The following MCU variants were observed in gnomAD, a reference collection of about 807,000 sequenced individuals.
The protein encoded by MCU is mitochondrial calcium uniporter, also known as calcium uniporter protein, mitochondrial.
Under a neutral mutation model 45.2 loss-of-function variants are expected in MCU, and 12 were observed. That is an observed-to-expected ratio of 0.27 (90% confidence interval 0.17 to 0.43). The LOEUF is 0.43. MCU is among the 20% of genes least tolerant of loss of function. The pLI is 1.00. For synonymous variants in MCU, 160 were observed against 165.1 expected, an observed-to-expected ratio of 0.97 and a Z score of 0.24; for missense variants, 324 against 436.7, an observed-to-expected ratio of 0.74 and a Z score of 2.30.
intron 6 of MCU, among the ~76,000 whole-genome samples, chr10:72,873,576 C>T (rs1013641918): frequency 1.3e-5 from 2 of 152,046 alleles, no homozygotes; most frequent in South Asian, 4.1e-4. Flanking sequence ...CTCTGCTGAC[C>T]GTTTCCTTTG....
chr10:72,880,860 G>A, intron 6 of MCU, among the ~76,000 whole-genome samples: 1 of 152,186 alleles, frequency 6.6e-6, no homozygotes, highest in East Asian at 1.9e-4. Flanking sequence ...AGGCATGATG[G>A]GTCATGCCTA....
intron 6 of MCU, among the ~76,000 whole-genome samples, chr10:72,883,035 T>C (rs1317871798): frequency 6.6e-6 from 1 of 152,246 alleles, no homozygotes; most frequent in African/African-American, 2.4e-5. Flanking sequence ...TGGAATGTTA[T>C]TTGGCAATAA....
At chr10:72,831,550 G>A (rs1844879273) in intron 1 of MCU, among the ~76,000 whole-genome samples, 1 of 152,062 alleles carries the variant, frequency 6.6e-6, no homozygotes, top group South Asian at 2.1e-4. Flanking sequence ...ATGAGGACTT[G>A]TTATTTGTCA....
In MCU at chr10:72,702,506, G is replaced by A. The variant is rs569865068; in HGVS notation, c.150+10205G>A. ...TTTGTGAGGCACTGCCCAGGGCATT[G>A]GAGAGAGAGATGCCTTTGTGGTGGT... On this transcript the variant is annotated intron_variant, in intron 1 of 7. Transcript: ENST00000373053. Among the ~76,000 whole-genome samples the A allele has an allele frequency of 3.7e-4, 56 of 152,284 alleles. No homozygotes were observed. The South Asian group carries it at 0.011, about 30-fold the overall frequency.
intron 1 of MCU, among the ~76,000 whole-genome samples, chr10:72,817,911 G>A (rs1254316625): frequency 1.3e-5 from 2 of 152,152 alleles, no homozygotes; most frequent in South Asian, 2.1e-4. Context: ...GGCTTTGCAT[G>A]TACTAAGTAC....
At chr10:72,808,071 A>C (rs1048537967) in intron 1 of MCU, among the ~76,000 whole-genome samples, 2 of 152,230 alleles carry the variant, frequency 1.3e-5, no homozygotes, top group African/African-American at 4.8e-5. Context: ...TTAGGAGAAG[A>C]ATAACCTGAA....
In MCU at chr10:72,791,040, C is replaced by A. The variant is rs114162213; in HGVS notation, c.151-43319C>A. On this transcript the variant is annotated intron_variant, in intron 1 of 7. Coordinates refer to ENST00000373053, the MANE Select transcript of MCU (RefSeq NM_138357.3). ...CCCCAGAAGGAATAGTGTTCATATT[C>A]TATATTCTTGATAGTCTTAGAAGTT... 4.6e-5 allele frequency among the ~76,000 whole-genome samples: 7 copies of A among 152,172 alleles called. No homozygotes were observed. The East Asian group carries it at 1.3e-3, about 29-fold the overall frequency.
At chr10:72,841,572 A>G (rs1217019121) in intron 2 of MCU, among the ~76,000 whole-genome samples, 1 of 152,168 alleles carries the variant, frequency 6.6e-6, no homozygotes, top group Non-Finnish European at 1.5e-5. Context: ...TTCTGGGATT[A>G]CAGGCGTGAA....
intron 1 of MCU, among the ~76,000 whole-genome samples, chr10:72,745,173 A>G (rs1843396394): frequency 6.6e-6 from 1 of 152,214 alleles, no homozygotes; most frequent in African/African-American, 2.4e-5. Context: ...GTTTATTTCT[A>G]AAGGTTCAGA....
intron 2 of MCU, among the ~76,000 whole-genome samples, chr10:72,839,465 T>A (rs772996380): frequency 1.3e-5 from 2 of 152,210 alleles, no homozygotes; most frequent in Non-Finnish European, 2.9e-5. Flanking sequence ...AATGGACTCA[T>A]ACAATATGTA....
chr10:72,700,736 A>T (rs1842749841), intron 1 of MCU, among the ~76,000 whole-genome samples: 1 of 152,246 alleles, frequency 6.6e-6, no homozygotes, highest in African/African-American at 2.4e-5. Flanking sequence ...TCGCATTTTG[A>T]CATCTCAAAG....
chr10:72,732,548 A>C (rs899463668), intron 1 of MCU, among the ~76,000 whole-genome samples: 3 of 152,248 alleles, frequency 2.0e-5, no homozygotes. Context: ...ACATGATAGG[A>C]TCTGGTGAAC....
intron 5 of MCU, 94 bp downstream of exon 5, chr10:72,868,957 G>T: frequency 7.7e-7 from 1 of 1,301,604 alleles, no homozygotes; most frequent in Non-Finnish European, 1.1e-6. Flanking sequence ...ATGCAATTGA[G>T]TCATGTCAAT....
chr10:72,711,717 T>TC (rs2132661462), intron 1 of MCU, among the ~76,000 whole-genome samples: 1 of 144,848 alleles, frequency 6.9e-6, no homozygotes, highest in East Asian at 2.0e-4. Context: ...TCTTTTTTTT[T>TC]TTTTTTTTTT....
intron 1 of MCU, among the ~76,000 whole-genome samples, chr10:72,726,947 A>T (rs1188070141): frequency 6.6e-6 from 1 of 152,222 alleles, no homozygotes; most frequent in Non-Finnish European, 1.5e-5. Context: ...ATAAAACAAA[A>T]GTCTTTCATC....
chr10:72,747,914 G>T (rs993053472), intron 1 of MCU, among the ~76,000 whole-genome samples: 1 of 151,524 alleles, frequency 6.6e-6, no homozygotes, highest in East Asian at 1.9e-4. Context: ...TTTAAAAAGT[G>T]GAAAGAAACA....
At chr10:72,801,353 C>CTTT (rs200952818) in intron 1 of MCU, among the ~76,000 whole-genome samples, 161 of 100,420 alleles carry the variant, frequency 1.6e-3, no homozygotes, top group African/African-American at 5.2e-3. Flanking sequence ...ATAATGCTTT[C>CTTT]TTTTTTTTTT....
intron 1 of MCU, among the ~76,000 whole-genome samples, chr10:72,753,106 T>A (rs1011671171): frequency 2.6e-5 from 4 of 152,228 alleles, no homozygotes; most frequent in Non-Finnish European, 5.9e-5. Context: ...TGAAGAATTT[T>A]TCTTTCTTGG....
chr10:72,726,321 C>T (rs1843101892), intron 1 of MCU, among the ~76,000 whole-genome samples: 1 of 151,478 alleles, frequency 6.6e-6, no homozygotes, highest in African/African-American at 2.4e-5. Flanking sequence ...TATTTGCATT[C>T]TTTCCTGTAT....
Sources: allele counts gnomAD v4.1 joint callset (sites outside exome capture counted in the v4.1 genomes callset), GRCh38; gene constraint gnomAD v4.1.1; transcripts MANE v1.5; gene names NCBI Gene and HGNC (gene_info 2026-07-23, HGNC 2026-07-21).